ATL2: variants seen among roughly 807,000 people sequenced by gnomAD.
The protein encoded by ATL2 is atlastin GTPase 2, also known as atlastin-2.
A neutral mutation model predicts 73.9 loss-of-function variants in ATL2; 31 were observed. That is an observed-to-expected ratio of 0.42 (90% CI 0.32 to 0.57). The LOEUF is 0.57. Among genes scored for constraint, ATL2 ranks in the 20% least tolerant of loss-of-function variants. The pLI is 0.14. For synonymous variants in ATL2, 291 were observed against 237.5 expected (o/e 1.23, Z -2.07); for missense variants, 738 against 702.6 (o/e 1.05, Z -0.57).
At chr2:38,377,090 G>A (rs1476926770) in intron 1 of ATL2, 53 bp downstream of exon 1, 16 of 1,549,662 alleles carry the variant, frequency 1.0e-5, no homozygotes, top group Admixed American at 1.7e-5. Flanking sequence ...AGCCCGAGCA[G>A]CGAGCGTCTC....
At chr2:38,376,859 C>G (rs1672000700) in intron 1 of ATL2, among the ~76,000 whole-genome samples, 1 of 150,718 alleles carries the variant, frequency 6.6e-6, no homozygotes, top group Admixed American at 6.6e-5. Context: ...GGCAGCCACG[C>G]GGCGGGCTGG....
chr2:38,294,364 C>T lies in ATL2; in HGVS notation c.*1630G>A, dbSNP rs144839416. Among the ~76,000 whole-genome samples the T allele has an allele frequency of 6.5e-3, 986 of 152,286 alleles. 14 individuals carry two copies. Among genetic ancestry groups the T allele is most frequent in the African/African-American group, 0.023 (940 of 41,564 alleles). On this transcript the variant is annotated 3_prime_UTR_variant, in exon 13 of 13. Coordinates refer to ENST00000378954, the MANE Select transcript of ATL2 (RefSeq NM_001135673.4). Reference sequence around the variant, plus strand: ...GCGATTGAGACCATCCTGGCTAAAACGGTGAAACCCCATCTCTACTTAAAA... The same window carrying T: ...GCGATTGAGACCATCCTGGCTAAAATGGTGAAACCCCATCTCTACTTAAAA...
At chr2:38,335,173 A>T (rs2148470200) in intron 2 of ATL2, among the ~76,000 whole-genome samples, 1 of 151,918 alleles carries the variant, frequency 6.6e-6, no homozygotes, top group East Asian at 1.9e-4. Context: ...ACCACTTCGG[A>T]AAAAAATTTT....
intron 1 of ATL2, 89 bp downstream of exon 1, chr2:38,377,054 C>G (rs534966404): frequency 1.2e-5 from 16 of 1,304,372 alleles, no homozygotes; most frequent in African/African-American, 1.6e-5. Context: ...GGACTCCGAC[C>G]CCGCCGCCTG....
chr2:38,351,151 TAA>T (rs58516601), intron 1 of ATL2, among the ~76,000 whole-genome samples: 18,250 of 152,096 alleles, frequency 0.12, 3,217 homozygotes, highest in African/African-American at 0.39. Flanking sequence ...AGTCTACTTA[TAA>T]AAAAATTAGT....
intron 2 of ATL2, among the ~76,000 whole-genome samples, chr2:38,333,841 G>A (rs181025312): frequency 1.1e-4 from 16 of 152,162 alleles, no homozygotes; most frequent in East Asian, 5.8e-4. Context: ...CTTCCATCTC[G>A]TTTATTTCTG....
chr2:38,310,234 C>A (rs778454626), intron 8 of ATL2, 75 bp downstream of exon 8: 2 of 1,485,110 alleles, frequency 1.3e-6, no homozygotes, highest in Non-Finnish European at 1.9e-6. Flanking sequence ...ACATTTAAGG[C>A]GTCATGTATT....
chr2:38,295,489 G>A lies in ATL2; in HGVS notation c.*505C>T, dbSNP rs1666843188. 1 of 152,196 alleles carries A rather than the reference G, an allele frequency of 6.6e-6. No individual in the cohort carries two copies. Among genetic ancestry groups the A allele is most frequent in the Admixed American group, 6.5e-5 (1 of 15,280 alleles). The allele number at this position is 152,196 out of a possible 1,614,324, so 9.4% of individuals were successfully genotyped here. On this transcript the variant is annotated 3_prime_UTR_variant, in exon 13 of 13. Transcript: ENST00000378954. The stretch of plus-strand genomic sequence containing the variant: ...GCCATGTAATTTCTGTGAAGTTTCT[G>A]ATACATGCATTGATGTAATACTGGT...
chr2:38,354,812 C>T (rs1670565367), intron 1 of ATL2, among the ~76,000 whole-genome samples: 3 of 152,118 alleles, frequency 2.0e-5, no homozygotes, highest in Admixed American at 2.0e-4. Flanking sequence ...ATCCCTTTAA[C>T]CCAGGAGGCG....
At chr2:38,306,044 A>G (rs1667431182) in intron 9 of ATL2, among the ~76,000 whole-genome samples, 1 of 152,230 alleles carries the variant, frequency 6.6e-6, no homozygotes, top group Admixed American at 6.5e-5. Flanking sequence ...AAATAAAATC[A>G]GAGATGAAAA....
At position 38,375,101 on chromosome 2, in the gene ATL2, T is replaced by A. The variant is rs116507452; in HGVS notation, c.118+2042A>T. On this transcript the variant is annotated intron_variant, in intron 1 of 12. Transcript: ENST00000378954. ...TTATTTGCTTTCTAAAGATCCTACA[T>A]TCCTAAAAGAATAAACACAAAGCCT... Among the ~76,000 whole-genome samples, 438 of 152,284 alleles carry A rather than the reference T, an allele frequency of 2.9e-3. 2 individuals are homozygous for A. Among genetic ancestry groups the A allele is most frequent in the African/African-American group, 0.01 (422 of 41,566 alleles).
intron 1 of ATL2, among the ~76,000 whole-genome samples, chr2:38,371,840 T>C (rs1243224655): frequency 2.0e-5 from 3 of 151,826 alleles, no homozygotes; most frequent in African/African-American, 7.3e-5. Context: ...GAGATTGCAG[T>C]GAGCCAAGAT....
At position 38,298,162 on chromosome 2, in the gene ATL2, A is replaced by G. The variant is rs1666992765; in HGVS notation, c.1614T>C (p.Ala538=). 2 of 1,612,648 alleles carry G rather than the reference A, an allele frequency of 1.2e-6. No individual in the cohort carries two copies. Among genetic ancestry groups the G allele is most frequent in the Admixed American group, 1.7e-5 (1 of 59,892 alleles). Residue 538 remains alanine (A), a synonymous_variant, in exon 12 of 13, where the codon GCT becomes GCC. Transcript: ENST00000378954. ...REIGTVIDQI[A]ETLWEQVLKP... ...TACCAACCTGTTCCCATAGTGTTTC[A>G]GCAATCTGATCAATCACTGTTCCAA...
intron 1 of ATL2, among the ~76,000 whole-genome samples, chr2:38,345,996 G>GAGAAGCTTTTATT (rs1669996792): frequency 6.6e-6 from 1 of 152,166 alleles, no homozygotes; most frequent in African/African-American, 2.4e-5. Context: ...AATCCAACAG[G>GAGAAGCTTTTATT]AGAAGCTTTT....
intron 9 of ATL2, among the ~76,000 whole-genome samples, chr2:38,309,088 G>T (rs564552903): frequency 6.6e-6 from 1 of 152,190 alleles, no homozygotes; most frequent in African/African-American, 2.4e-5. Flanking sequence ...ATTCACTAAT[G>T]ACAGAGTAGT....
chr2:38,313,915 G>A (rs577188023), intron 6 of ATL2, among the ~76,000 whole-genome samples: 1 of 152,206 alleles, frequency 6.6e-6, no homozygotes, highest in Admixed American at 6.5e-5. Context: ...AACTGATATA[G>A]GCCAAATAGG....
chr2:38,352,027 G>C (rs1375263721), intron 1 of ATL2, among the ~76,000 whole-genome samples: 1 of 137,390 alleles, frequency 7.3e-6, no homozygotes, highest in Non-Finnish European at 1.6e-5. Context: ...CAGGAGAATT[G>C]CTTGAACCCA....
chr2:38,311,021 T>C (rs2148422144), intron 7 of ATL2, among the ~76,000 whole-genome samples: 1 of 152,190 alleles, frequency 6.6e-6, no homozygotes, highest in South Asian at 2.1e-4. Flanking sequence ...TCACAGTATC[T>C]AATAACCAAA....
At chr2:38,364,835 G>T (rs1233226375) in intron 1 of ATL2, among the ~76,000 whole-genome samples, 2 of 152,042 alleles carry the variant, frequency 1.3e-5, no homozygotes, top group African/African-American at 4.8e-5. Flanking sequence ...ACGAGGTCAG[G>T]AGATTGAGAC....
Sources: allele counts gnomAD v4.1 joint callset (sites outside exome capture counted in the v4.1 genomes callset), GRCh38; gene constraint gnomAD v4.1.1; transcripts MANE v1.5; gene names NCBI Gene and HGNC (gene_info 2026-07-23, HGNC 2026-07-21).